The following FRMPD2 variants were observed in gnomAD, a reference collection of about 807,000 sequenced individuals.
FRMPD2 encodes the protein FERM and PDZ domain containing 2.
In FRMPD2, 96 loss-of-function variants were observed where a neutral mutation model predicts 140.1. That is an observed-to-expected ratio of 0.69 (90% CI 0.58 to 0.81). The LOEUF (loss-of-function observed/expected upper bound fraction) is 0.81, where lower values mean the gene tolerates loss of function less well. Among genes scored for constraint, FRMPD2 ranks in the 40% least tolerant of loss-of-function variants. FRMPD2 has a pLI of 0.00. For missense variants in FRMPD2, 1,240 were observed against 1,447.4 expected, an observed-to-expected ratio of 0.86 and a Z score of 2.32; for synonymous variants, 449 against 547.6, an observed-to-expected ratio of 0.82 and a Z score of 2.52.
intron 2 of FRMPD2, among the ~76,000 whole-genome samples, chr10:48,250,600 G>T (rs903682661): frequency 6.6e-6 from 1 of 151,986 alleles, no homozygotes; most frequent in Non-Finnish European, 1.5e-5. Flanking sequence ...TAGAAACAGG[G>T]TTTCACCATG....
chr10:48,264,782 C>A (rs927745126), intron 1 of FRMPD2, among the ~76,000 whole-genome samples: 1 of 152,086 alleles, frequency 6.6e-6, no homozygotes, highest in South Asian at 2.1e-4. Flanking sequence ...ATATCAACAA[C>A]TAATTCTAAA....
intron 20 of FRMPD2, among the ~76,000 whole-genome samples, chr10:48,182,680 C>G (rs1838580609): frequency 1.4e-5 from 2 of 147,686 alleles, no homozygotes; most frequent in African/African-American, 5.0e-5. Context: ...ATTTTATTCC[C>G]AGCCATTGTG....
intron 3 of FRMPD2, among the ~76,000 whole-genome samples, chr10:48,247,866 G>A (rs75744051): frequency 0.021 from 3,154 of 152,250 alleles, 107 homozygotes; most frequent in African/African-American, 0.071. Context: ...AGGAATCAGT[G>A]ATTCACCCCT....
chr10:48,243,400 T>C (rs1222060435), intron 4 of FRMPD2, among the ~76,000 whole-genome samples: 1 of 152,162 alleles, frequency 6.6e-6, no homozygotes, highest in African/African-American at 2.4e-5. Flanking sequence ...TGAGCTGACA[T>C]GCATCTGAAG....
chr10:48,226,869 T>C (rs776811265), intron 10 of FRMPD2, among the ~76,000 whole-genome samples: 10 of 152,236 alleles, frequency 6.6e-5, no homozygotes, highest in Non-Finnish European at 1.5e-4. Context: ...CTTATGTTAG[T>C]TTATTTCTCA....
intron 13 of FRMPD2, among the ~76,000 whole-genome samples, chr10:48,208,564 G>A (rs1432751668): frequency 6.6e-6 from 1 of 152,190 alleles, no homozygotes; most frequent in African/African-American, 2.4e-5. Context: ...TTGCTCCTGA[G>A]TCTTCACTCT....
intron 21 of FRMPD2, among the ~76,000 whole-genome samples, chr10:48,178,511 G>A (rs1277793915): frequency 2.0e-5 from 3 of 152,154 alleles, no homozygotes; most frequent in Non-Finnish European, 4.4e-5. Flanking sequence ...ACGACACGCA[G>A]GAAAATAGAC....
intron 12 of FRMPD2, among the ~76,000 whole-genome samples, chr10:48,219,489 T>TGTCACACTGCTGG (rs1372571521): frequency 6.6e-6 from 1 of 152,172 alleles, no homozygotes; most frequent in Non-Finnish European, 1.5e-5. Context: ...TCAGATGTCA[T>TGTCACACTGCTGG]GTCACACTGC....
At chr10:48,211,826 G>A in intron 13 of FRMPD2, 128 bp downstream of exon 13, 1 of 789,142 alleles carries the variant, frequency 1.3e-6, no homozygotes, top group Non-Finnish European at 1.9e-6. Flanking sequence ...GCCTCCTAGA[G>A]TTCCACCCTT....
At chr10:48,186,356 T>G (rs550402715) in intron 17 of FRMPD2, among the ~76,000 whole-genome samples, 1 of 152,336 alleles carries the variant, frequency 6.6e-6, no homozygotes, top group South Asian at 2.1e-4. Flanking sequence ...TTTTCCTGAT[T>G]GATATGGTTT....
chr10:48,190,453 G>A lies in FRMPD2; in HGVS notation c.2165+2231C>T, dbSNP rs139847635. On this transcript the variant is annotated intron_variant, in intron 16 of 28. Transcript: ENST00000374201. The stretch of plus-strand genomic sequence containing the variant: ...GCACACCTCTGTGGAGCTGAGCCCT[G>A]GTTGCCCTCAACAGCTACCTGGTGA... 6.8e-3 allele frequency among the ~76,000 whole-genome samples: 1,034 copies of A among 152,262 alleles called. 9 individuals are homozygous for A. Among genetic ancestry groups the A allele is most frequent in the African/African-American group, 0.023 (944 of 41,528 alleles).
At chr10:48,163,744 C>T (rs1456396668) in intron 27 of FRMPD2, 73 bp from the exon 28 acceptor site, 3 of 774,162 alleles carry the variant, frequency 3.9e-6, no homozygotes, top group Admixed American at 1.8e-5. Context: ...AAGCTTTTTT[C>T]CCCCATGTGA....
intron 10 of FRMPD2, among the ~76,000 whole-genome samples, chr10:48,229,607 T>C (rs1839802677): frequency 6.6e-6 from 1 of 152,158 alleles, no homozygotes; most frequent in African/African-American, 2.4e-5. Flanking sequence ...TTTATAAATA[T>C]AGTTTTGATA....
chr10:48,175,415 G>A (rs1208440438), intron 23 of FRMPD2, among the ~76,000 whole-genome samples: 1 of 152,026 alleles, frequency 6.6e-6, no homozygotes, highest in Non-Finnish European at 1.5e-5. Context: ...CTCAATTCTG[G>A]CAGTTTTGGA....
At chr10:48,260,416 G>C (rs1018908296) in intron 1 of FRMPD2, among the ~76,000 whole-genome samples, 2 of 152,000 alleles carry the variant, frequency 1.3e-5, no homozygotes, top group African/African-American at 4.8e-5. Context: ...CTCAAGCTGG[G>C]TAGGAAAAAA....
chr10:48,229,770 T>C (rs888858885), intron 10 of FRMPD2, among the ~76,000 whole-genome samples: 1 of 152,186 alleles, frequency 6.6e-6, no homozygotes, highest in African/African-American at 2.4e-5. Flanking sequence ...TTTTTAACCA[T>C]GGCCATTCTA....
intron 9 of FRMPD2, among the ~76,000 whole-genome samples, chr10:48,236,207 T>C (rs971750348): frequency 6.6e-6 from 1 of 152,178 alleles, no homozygotes; most frequent in South Asian, 2.1e-4. Flanking sequence ...GGGCCTAGAA[T>C]AGTGCCTGGC....
rs1467344484 is a variant in FRMPD2, at chr10:48,212,013, C to T, written c.1552G>A (p.Glu518Lys). ...TALRVQVEVS[E>K]MHRLSSALWG... ...AGTGCAGAGCTGAGCCGGTGCATCTCTGAGACTTCAACCTGGACCCGTAGA... is the reference window on the plus strand; with the variant it reads ...AGTGCAGAGCTGAGCCGGTGCATCTTTGAGACTTCAACCTGGACCCGTAGA... The change falls in exon 13 of 29, where the codon GAG becomes AAG. Residue 518 changes from glutamate (E) to lysine (K), a missense_variant. Glu to Lys is a moderately conservative substitution (Grantham distance 56). This residue lies in a region of FRMPD2 where 1,161 missense variants were observed against 1,055.9 expected (regional missense o/e 1.10). Coordinates refer to ENST00000374201, the MANE Select transcript of FRMPD2 (RefSeq NM_001018071.4). 1 of 1,614,010 alleles carries T rather than the reference C, an allele frequency of 6.2e-7. No homozygotes were observed. The highest frequency in any genetic ancestry group is 1.3e-5 in the African/African-American group (1 of 74,922).
intron 15 of FRMPD2, among the ~76,000 whole-genome samples, chr10:48,195,085 C>G (rs1838920808): frequency 6.6e-6 from 1 of 152,164 alleles, no homozygotes. Context: ...CATAAGGACA[C>G]AGGATATACT....
Sources: allele counts gnomAD v4.1 joint callset (sites outside exome capture counted in the v4.1 genomes callset), GRCh38; gene constraint gnomAD v4.1.1; regional missense constraint gnomAD v4.1.1; transcripts MANE v1.5; gene names NCBI Gene and HGNC (gene_info 2026-07-23, HGNC 2026-07-21).